PRKN: variants seen among roughly 807,000 people sequenced by gnomAD.
PRKN encodes E3 ubiquitin-protein ligase parkin.
Under a neutral mutation model 59.5 loss-of-function variants are expected in PRKN, and 56 were observed. That is an observed-to-expected ratio of 0.94 (90% CI 0.76 to 1.18). The LOEUF (loss-of-function observed/expected upper bound fraction) is 1.18, where lower values mean the gene tolerates loss of function less well. Among genes scored for constraint, PRKN ranks in the 50% most tolerant of loss-of-function variants. The pLI is 0.00. For missense variants in PRKN, 657 were observed against 596.4 expected, an observed-to-expected ratio of 1.10 and a Z score of -1.06; for synonymous variants, 250 against 222.1, an observed-to-expected ratio of 1.13 and a Z score of -1.12.
intron 4 of PRKN, among the ~76,000 whole-genome samples, chr6:162,126,271 C>T (rs146981838): frequency 2.4e-4 from 36 of 152,246 alleles, no homozygotes; most frequent in East Asian, 2.3e-3. Flanking sequence ...TGCATGTGGA[C>T]GTGCTATCAG....
At chr6:162,409,882 A>T (rs915677451) in intron 2 of PRKN, among the ~76,000 whole-genome samples, 2 of 152,226 alleles carry the variant, frequency 1.3e-5, no homozygotes, top group African/African-American at 4.8e-5. Flanking sequence ...ACATGGGAGC[A>T]GCGGAATCAG....
rs190803755 is a variant in PRKN, at chr6:161,522,144, A to G, written c.1083+26710T>C. ...GGTTTTCAACGTGATATTTAACCGA[A>G]TGCTGCCAAATTGTGCTACCTCCCC... On this transcript the variant is annotated intron_variant, in intron 9 of 11. Transcript: ENST00000366898. 1.3e-3 allele frequency among the ~76,000 whole-genome samples: 195 copies of G among 152,208 alleles called. 1 individual carries two copies. The highest frequency in any genetic ancestry group is 2.4e-3 in the Non-Finnish European group (160 of 68,018).
At chr6:162,233,103 C>A (rs1778493229) in intron 3 of PRKN, among the ~76,000 whole-genome samples, 1 of 152,068 alleles carries the variant, frequency 6.6e-6, no homozygotes, top group African/African-American at 2.4e-5. Flanking sequence ...TTGATAGAGT[C>A]CTATAGTCAC....
chr6:161,830,366 C>T (rs1792441393), intron 6 of PRKN, among the ~76,000 whole-genome samples: 1 of 152,048 alleles, frequency 6.6e-6, no homozygotes, highest in Non-Finnish European at 1.5e-5. Flanking sequence ...ATTCTCCTGC[C>T]TCAGCCTCCC....
intron 2 of PRKN, among the ~76,000 whole-genome samples, chr6:162,356,333 C>T (rs1245359229): frequency 6.6e-6 from 1 of 151,770 alleles, no homozygotes; most frequent in African/African-American, 2.4e-5. Context: ...ATAGCCGTCC[C>T]CCCACCCCCA....
intron 4 of PRKN, among the ~76,000 whole-genome samples, chr6:162,178,203 T>C (rs1447864162): frequency 2.0e-5 from 3 of 152,208 alleles, no homozygotes; most frequent in African/African-American, 7.2e-5. Context: ...TGAATTATTT[T>C]TGTGGGTCAT....
chr6:161,563,839 G>A (rs1486899276), intron 8 of PRKN, among the ~76,000 whole-genome samples: 1 of 152,156 alleles, frequency 6.6e-6, no homozygotes, highest in Admixed American at 6.5e-5. Flanking sequence ...TTCTAAGTGA[G>A]TATTACGCTT....
chr6:161,692,434 G>A (rs1482172643), intron 7 of PRKN, among the ~76,000 whole-genome samples: 1 of 152,092 alleles, frequency 6.6e-6, no homozygotes, highest in Non-Finnish European at 1.5e-5. Flanking sequence ...TCTTTACCTC[G>A]AAAACTTGAA....
At chr6:161,872,247 A>G (rs1417135040) in intron 6 of PRKN, among the ~76,000 whole-genome samples, 1 of 152,120 alleles carries the variant, frequency 6.6e-6, no homozygotes, top group African/African-American at 2.4e-5. Context: ...ATTTTTCAGA[A>G]TAAGGTCAGG....
At chr6:162,507,433 TTA>T (rs757021585) in intron 1 of PRKN, among the ~76,000 whole-genome samples, 1 of 151,614 alleles carries the variant, frequency 6.6e-6, no homozygotes. Flanking sequence ...AGAAAAAAAA[TTA>T]TATATATATA....
chr6:162,682,729 G>A (rs1424374740), intron 1 of PRKN, among the ~76,000 whole-genome samples: 1 of 151,786 alleles, frequency 6.6e-6, no homozygotes, highest in South Asian at 2.1e-4. Context: ...AAACCAACAT[G>A]CAATTTACCC....
intron 7 of PRKN, among the ~76,000 whole-genome samples, chr6:161,715,142 T>A (rs1786920877): frequency 6.6e-6 from 1 of 152,232 alleles, no homozygotes; most frequent in South Asian, 2.1e-4. Flanking sequence ...ATGTGCACAT[T>A]AGACTTTTTT....
chr6:162,148,940 G>A (rs559259198), intron 4 of PRKN, among the ~76,000 whole-genome samples: 22 of 152,288 alleles, frequency 1.4e-4, no homozygotes, highest in African/African-American at 5.3e-4. Context: ...TTACAAGTAT[G>A]GTTGCTCATA....
intron 7 of PRKN, among the ~76,000 whole-genome samples, chr6:161,572,131 C>T (rs1780914414): frequency 6.6e-6 from 1 of 152,098 alleles, no homozygotes; most frequent in Non-Finnish European, 1.5e-5. Flanking sequence ...CTTTATAGAT[C>T]CTATAGACAG....
intron 6 of PRKN, among the ~76,000 whole-genome samples, chr6:161,960,259 A>G (rs1780332344): frequency 6.6e-6 from 1 of 152,220 alleles, no homozygotes; most frequent in Non-Finnish European, 1.5e-5. Context: ...CAGAGGCAAA[A>G]GATGGCAGAG....
Position 162,572,852 on chromosome 6 carries a change from G to A in PRKN, c.8-129379C>T, listed in dbSNP as rs1320567330. Among the ~76,000 whole-genome samples, 11 of 150,716 alleles carry A rather than the reference G, an allele frequency of 7.3e-5. No individual in the cohort carries two copies. In the South Asian group the frequency reaches 1.3e-3, roughly 18 times the overall value. Reference sequence around the variant, plus strand: ...TGAAACTATTCTCAAAAAACTCTGCGTAACCTAAAAACAAACAAAACCCCC... The same window carrying A: ...TGAAACTATTCTCAAAAAACTCTGCATAACCTAAAAACAAACAAAACCCCC... On this transcript the variant is annotated intron_variant, in intron 1 of 11. Coordinates refer to ENST00000366898, the MANE Select transcript of PRKN (RefSeq NM_004562.3).
intron 8 of PRKN, among the ~76,000 whole-genome samples, chr6:161,564,161 C>A (rs1388078730): frequency 6.6e-6 from 1 of 152,156 alleles, no homozygotes; most frequent in Non-Finnish European, 1.5e-5. Flanking sequence ...CAGTTGCCCC[C>A]ACCGCTGGCA....
intron 1 of PRKN, among the ~76,000 whole-genome samples, chr6:162,704,630 G>A (rs1197444752): frequency 2.0e-5 from 3 of 152,146 alleles, no homozygotes; most frequent in African/African-American, 7.2e-5. Context: ...AGAAATTTTA[G>A]TTAATGTTAC....
chr6:161,428,713 T>A lies in PRKN; in HGVS notation c.1084-41836A>T, dbSNP rs767798941. Among the ~76,000 whole-genome samples, 4 of 152,180 alleles carry A rather than the reference T, an allele frequency of 2.6e-5. No homozygotes were observed. The highest frequency in any genetic ancestry group is 4.4e-5 in the Non-Finnish European group (3 of 68,042). On this transcript the variant is annotated intron_variant, in intron 9 of 11. Transcript: ENST00000366898. This position sits in a 1 kb window ranked among gnomAD's most constrained non-coding sequence, Gnocchi z 4.0. The stretch of plus-strand genomic sequence containing the variant: ...AAAGCTCACAACCAAAAAAAGCACA[T>A]TCACATTTTTTTTCTTTCATTTTTC...
Sources: allele counts gnomAD v4.1 joint callset (sites outside exome capture counted in the v4.1 genomes callset), GRCh38; gene constraint gnomAD v4.1.1; non-coding constraint Gnocchi (gnomAD v3.1); transcripts MANE v1.5; gene names NCBI Gene and HGNC (gene_info 2026-07-23, HGNC 2026-07-21).